RARB: variants seen among roughly 807,000 people sequenced by gnomAD.
RARB encodes the protein retinoic acid receptor beta.
Under a neutral mutation model 51.9 loss-of-function variants are expected in RARB, and 17 were observed. That is an observed-to-expected ratio of 0.33 (90% confidence interval 0.22 to 0.49). The LOEUF (loss-of-function observed/expected upper bound fraction) is 0.49. RARB is among the 20% of genes least tolerant of loss of function. The pLI, the probability that RARB is intolerant of heterozygous loss-of-function variation, is 0.99. For synonymous variants in RARB, 215 were observed against 195.4 expected, an observed-to-expected ratio of 1.10 and a Z score of -0.84; for missense variants, 369 against 550.8, an observed-to-expected ratio of 0.67 and a Z score of 3.30.
intron 5 of RARB, among the ~76,000 whole-genome samples, chr3:25,201,912 T>C (rs1701401003): frequency 7.1e-6 from 1 of 140,890 alleles, no homozygotes; most frequent in East Asian, 2.0e-4. Context: ...TGTGTTTCTT[T>C]CTGCCAGGCT....
At chr3:25,068,790 C>A (rs1420070899) in intron 3 of RARB, among the ~76,000 whole-genome samples, 9 of 152,108 alleles carry the variant, frequency 5.9e-5, no homozygotes, top group Admixed American at 5.2e-4. Context: ...GGCGGCCCTC[C>A]TTTCCCTCCT....
chr3:25,269,660 G>A (rs1376029376), intron 5 of RARB, among the ~76,000 whole-genome samples: 1 of 152,148 alleles, frequency 6.6e-6, no homozygotes, highest in Non-Finnish European at 1.5e-5. Context: ...AATTATAAAT[G>A]ATACAAATAG....
chr3:25,370,789 C>G (rs147474532), intron 5 of RARB, among the ~76,000 whole-genome samples: 1 of 152,146 alleles, frequency 6.6e-6, no homozygotes, highest in African/African-American at 2.4e-5. Context: ...GGCTTGCTGG[C>G]GTCAAACAAC....
chr3:25,302,852 A>G (rs1418943602), intron 5 of RARB, among the ~76,000 whole-genome samples: 1 of 152,230 alleles, frequency 6.6e-6, no homozygotes, highest in Non-Finnish European at 1.5e-5. Flanking sequence ...GTAAGGTTCC[A>G]CTTATCCACA....
chr3:25,271,662 A>G (rs1482236645), intron 5 of RARB, among the ~76,000 whole-genome samples: 1 of 152,222 alleles, frequency 6.6e-6, no homozygotes, highest in Non-Finnish European at 1.5e-5. Context: ...TGCTATTCCC[A>G]AAACTCATTC....
At chr3:25,169,977 C>T (rs909284225) in intron 4 of RARB, among the ~76,000 whole-genome samples, 2 of 128,148 alleles carry the variant, frequency 1.6e-5, no homozygotes, top group Non-Finnish European at 3.2e-5. Flanking sequence ...GACAGAGCGA[C>T]ACCTTATTTC....
In RARB at chr3:25,191,199, A is replaced by G. The variant is rs139956941; in HGVS notation, c.178+16624A>G. Among the ~76,000 whole-genome samples, 822 of 152,258 alleles carry G rather than the reference A, an allele frequency of 5.4e-3. 14 individuals are homozygous for G. Among genetic ancestry groups the G allele is most frequent in the African/African-American group, 0.017 (723 of 41,560 alleles). Reference sequence around the variant, plus strand: ...AAAACCCCAAGCAAACATATTTCTTATATAGACTCTGTTACTCACAATACT... The same window carrying G: ...AAAACCCCAAGCAAACATATTTCTTGTATAGACTCTGTTACTCACAATACT... On this transcript the variant is annotated intron_variant, in intron 5 of 11. Coordinates refer to the RARB transcript ENST00000383772.
chr3:25,229,647 A>G (rs1014257031), intron 5 of RARB, among the ~76,000 whole-genome samples: 1 of 151,308 alleles, frequency 6.6e-6, no homozygotes, highest in Non-Finnish European at 1.5e-5. Flanking sequence ...TATGCTTTGA[A>G]TGGGCACCCT....
chr3:24,870,661 TCA>T (rs1406425139), intron 2 of RARB, among the ~76,000 whole-genome samples: 1 of 152,130 alleles, frequency 6.6e-6, no homozygotes, highest in Non-Finnish European at 1.5e-5. Context: ...TTGTTCTCTC[TCA>T]CTCATTTTGC....
intron 1 of RARB, among the ~76,000 whole-genome samples, chr3:25,429,749 G>T (rs1195279401): frequency 1.3e-5 from 2 of 152,234 alleles, no homozygotes; most frequent in African/African-American, 4.8e-5. Flanking sequence ...CTGGCTGCAG[G>T]CTTGAGAAAT....
intron 1 of RARB, among the ~76,000 whole-genome samples, chr3:24,846,870 GAA>G (rs72344692): frequency 1.5e-5 from 2 of 130,908 alleles, no homozygotes; most frequent in Non-Finnish European, 1.7e-5. Context: ...GCCAAAATTG[GAA>G]AAAAAAAAAA....
intron 5 of RARB, among the ~76,000 whole-genome samples, chr3:25,198,734 A>G (rs1701309433): frequency 6.6e-6 from 1 of 152,074 alleles, no homozygotes; most frequent in Non-Finnish European, 1.5e-5. Flanking sequence ...CAAAACTACA[A>G]TGCTGTGTCA....
chr3:25,397,208 C>T (rs571568804), intron 5 of RARB, among the ~76,000 whole-genome samples: 1 of 152,256 alleles, frequency 6.6e-6, no homozygotes, highest in Admixed American at 6.5e-5. Context: ...GGACTGTGTG[C>T]CCACAGGGCT....
At chr3:24,829,427 C>T (rs1226196328) in intron 1 of RARB, among the ~76,000 whole-genome samples, 1 of 152,160 alleles carries the variant, frequency 6.6e-6, no homozygotes, top group African/African-American at 2.4e-5. Flanking sequence ...AGCGCGCTGG[C>T]GGGTCTTCCT....
chr3:25,326,927 G>A (rs1039221831), intron 5 of RARB, among the ~76,000 whole-genome samples: 1 of 151,928 alleles, frequency 6.6e-6, no homozygotes, highest in Non-Finnish European at 1.5e-5. Flanking sequence ...CCATGTTGGT[G>A]TGCTGCACCC....
intron 3 of RARB, among the ~76,000 whole-genome samples, chr3:25,071,866 A>G (rs1575146555): frequency 6.6e-6 from 1 of 152,164 alleles, no homozygotes; most frequent in African/African-American, 2.4e-5. Context: ...TTAATGTGCT[A>G]CTACTTGGGG....
chr3:25,531,388 GTAGATAGATAGA>G (rs142863604), intron 3 of RARB, among the ~76,000 whole-genome samples: 63,116 of 145,292 alleles, frequency 0.43, 14,956 homozygotes, highest in African/African-American at 0.66. Flanking sequence ...AGATAGATAG[GTAGATAGATAGA>G]TAGATAGATA....
intron 2 of RARB, among the ~76,000 whole-genome samples, chr3:25,481,902 A>G (rs1696240724): frequency 6.6e-6 from 1 of 152,222 alleles, no homozygotes; most frequent in African/African-American, 2.4e-5. Flanking sequence ...AACAAATTTA[A>G]TATTCATAAC....
chr3:25,452,005 C>G (rs1452050830), intron 1 of RARB, among the ~76,000 whole-genome samples: 1 of 152,120 alleles, frequency 6.6e-6, no homozygotes, highest in Admixed American at 6.5e-5. Flanking sequence ...CAGGGGACCT[C>G]AATATTGCAA....
Sources: allele counts gnomAD v4.1 joint callset (sites outside exome capture counted in the v4.1 genomes callset), GRCh38; gene constraint gnomAD v4.1.1; transcripts MANE v1.5; gene names NCBI Gene and HGNC (gene_info 2026-07-23, HGNC 2026-07-21).